The following NRXN3 variants were observed in gnomAD, a reference collection of about 807,000 sequenced individuals.
The protein encoded by NRXN3 is neurexin 3, also known as neurexin III.
In NRXN3, 32 loss-of-function variants were observed where a neutral mutation model predicts 137.6. The ratio of observed to expected loss-of-function variants is 0.23; its 90% CI spans 0.18 to 0.31. The LOEUF (loss-of-function observed/expected upper bound fraction) is 0.31. Ranked by LOEUF, NRXN3 falls within the 10% of genes least tolerant of loss-of-function variation. NRXN3 has a pLI of 1.00. For synonymous variants in NRXN3, 798 were observed against 784.5 expected (o/e 1.02, Z -0.29); for missense variants, 1,574 against 2,062.5 (o/e 0.76, Z 4.59).
At chr14:78,416,983 C>A (rs2093174936) in intron 4 of NRXN3, among the ~76,000 whole-genome samples, 1 of 152,208 alleles carries the variant, frequency 6.6e-6, no homozygotes, top group Admixed American at 6.5e-5. Flanking sequence ...GGACAGAAAT[C>A]AGGCTTAAAT....
chr14:79,511,958 G>A (rs1054975687), intron 16 of NRXN3, among the ~76,000 whole-genome samples: 1 of 152,170 alleles, frequency 6.6e-6, no homozygotes, highest in Non-Finnish European at 1.5e-5. Flanking sequence ...GGAGTGCAAT[G>A]GTGCGATCTC....
intron 15 of NRXN3, among the ~76,000 whole-genome samples, chr14:79,172,026 A>G (rs1451755156): frequency 6.6e-6 from 1 of 152,160 alleles, no homozygotes; most frequent in Non-Finnish European, 1.5e-5. Context: ...TTTAGATATG[A>G]TACAGTGAGC....
intron 10 of NRXN3, among the ~76,000 whole-genome samples, chr14:78,914,875 A>T (rs1432171828): frequency 6.6e-6 from 1 of 152,032 alleles, no homozygotes; most frequent in African/African-American, 2.4e-5. Flanking sequence ...ATCATTTGGG[A>T]GTGGTTGACA....
intron 4 of NRXN3, among the ~76,000 whole-genome samples, chr14:78,475,254 T>TAGAG (rs2095358758): frequency 6.6e-6 from 1 of 152,116 alleles, no homozygotes; most frequent in South Asian, 2.1e-4. Context: ...GATAAGCTCT[T>TAGAG]AGAGGTAGGA....
In NRXN3 at chr14:79,803,112, C is replaced by T. The variant is rs144361460; in HGVS notation, c.4015-2000C>T. Among the ~76,000 whole-genome samples, 1,405 of 152,236 alleles carry T rather than the reference C, an allele frequency of 9.2e-3. 19 individuals carry two copies. Among genetic ancestry groups the T allele is most frequent in the African/African-American group, 0.032 (1,331 of 41,536 alleles). ...AGCAAGGTTTGAATTATACCCCTTT[C>T]AGATGTAGAATAAAGATCAATATTG... is the stretch of plus-strand genomic sequence containing the variant. On this transcript the variant is annotated intron_variant, in intron 19 of 20. Transcript: ENST00000335750.
intron 11 of NRXN3, among the ~76,000 whole-genome samples, chr14:78,961,769 C>T (rs1427946324): frequency 6.6e-6 from 1 of 152,206 alleles, no homozygotes; most frequent in African/African-American, 2.4e-5. Context: ...TCTCCATGCT[C>T]ATCCACTATA....
Position 78,943,619 on chromosome 14 carries a change from AAAATATATATAT to A in NRXN3, c.2276-13621_2276-13610del, listed in dbSNP as rs1397945683. Among the ~76,000 whole-genome samples the A allele has an allele frequency of 6.5e-3, 277 of 42,798 alleles. 15 individuals carry two copies. The highest frequency in any genetic ancestry group is 0.012 in the Middle Eastern group (1 of 86). The allele number at this position is 42,798 out of a possible 152,430, so 28.1% of individuals were successfully genotyped here. ...GAAGCAAGATCACTGTTAAAAAAAA[AAAATATATATAT>A]ATATATATATATATATATATATATA... is the stretch of plus-strand genomic sequence containing the variant. On this transcript the variant is annotated intron_variant, in intron 10 of 20. Transcript: ENST00000335750.
At chr14:78,827,612 G>C (rs2098970585) in intron 10 of NRXN3, among the ~76,000 whole-genome samples, 1 of 152,208 alleles carries the variant, frequency 6.6e-6, no homozygotes, top group Non-Finnish European at 1.5e-5. Flanking sequence ...GGGCTGACAG[G>C]TCATGCCATT....
chr14:79,571,596 T>A (rs2097603016), intron 16 of NRXN3, among the ~76,000 whole-genome samples: 1 of 152,176 alleles, frequency 6.6e-6, no homozygotes. Context: ...TCTTTTGATC[T>A]AGCGGAGTCC....
chr14:79,397,899 G>C (rs1227236343), intron 15 of NRXN3, among the ~76,000 whole-genome samples: 1 of 152,196 alleles, frequency 6.6e-6, no homozygotes, highest in Admixed American at 6.5e-5. Flanking sequence ...TCCAAATGAA[G>C]TGTTCAGACA....
chr14:79,347,124 C>G (rs1598970585), intron 15 of NRXN3, among the ~76,000 whole-genome samples: 3 of 152,252 alleles, frequency 2.0e-5, no homozygotes, highest in East Asian at 3.9e-4. Flanking sequence ...CTTGTCCCCC[C>G]ACCCTTATCT....
chr14:79,376,238 A>G (rs949093617), intron 15 of NRXN3, among the ~76,000 whole-genome samples: 6 of 102,950 alleles, frequency 5.8e-5, no homozygotes, highest in South Asian at 3.2e-4. Context: ...ATATATATAT[A>G]TATATATATA....
intron 4 of NRXN3, among the ~76,000 whole-genome samples, chr14:78,426,301 C>T (rs557171096): frequency 2.0e-5 from 3 of 152,304 alleles, no homozygotes; most frequent in South Asian, 2.1e-4. Flanking sequence ...CTTGCATTGG[C>T]TTCTTCCAGG....
At chr14:79,387,877 C>G (rs895768277) in intron 15 of NRXN3, among the ~76,000 whole-genome samples, 6 of 145,862 alleles carry the variant, frequency 4.1e-5, no homozygotes, top group African/African-American at 1.5e-4. Flanking sequence ...ACCGCATGTT[C>G]TCACTCATAG....
At chr14:79,215,694 C>T (rs1016540458) in intron 15 of NRXN3, among the ~76,000 whole-genome samples, 15 of 152,056 alleles carry the variant, frequency 9.9e-5, no homozygotes, top group South Asian at 4.1e-4. Flanking sequence ...GAGTCCCTCC[C>T]GCAACATGAG....
chr14:79,690,151 T>C (rs1049938807), intron 17 of NRXN3, among the ~76,000 whole-genome samples: 1 of 152,194 alleles, frequency 6.6e-6, no homozygotes, highest in South Asian at 2.1e-4. Context: ...ATGAATGACA[T>C]CCTTTATGAT....
chr14:79,833,850 G>A (rs1033601530), intron 20 of NRXN3, among the ~76,000 whole-genome samples: 1 of 152,114 alleles, frequency 6.6e-6, no homozygotes, highest in Admixed American at 6.6e-5. Flanking sequence ...TGCAAATGCT[G>A]CACAATATTT....
intron 15 of NRXN3, among the ~76,000 whole-genome samples, chr14:79,129,598 G>A (rs1255603976): frequency 7.5e-6 from 1 of 133,502 alleles, no homozygotes; most frequent in Non-Finnish European, 1.6e-5. Context: ...TTACTTCCAA[G>A]TATGTGGTCA....
intron 10 of NRXN3, among the ~76,000 whole-genome samples, chr14:78,839,432 C>T (rs928640435): frequency 6.6e-6 from 1 of 152,170 alleles, no homozygotes; most frequent in South Asian, 2.1e-4. Flanking sequence ...AGCTCATGTA[C>T]TTTCCTCTTG....
Sources: gnomAD v4.1 joint callset for allele counts (sites outside exome capture counted in the v4.1 genomes callset) on GRCh38, gnomAD v4.1.1 for gene constraint, MANE v1.5 for transcripts, NCBI Gene and HGNC (gene_info 2026-07-23, HGNC 2026-07-21) for gene names.